Variants in GAREM1 observed in about 807,000 individuals in gnomAD.
GAREM1 encodes the protein GRB2 associated regulator of MAPK1 subtype 1, also known as GRB2-associated and regulator of MAPK protein 1.
GAREM1 carries 26 observed loss-of-function variants against 71.3 expected under a neutral mutation model. The observed-to-expected ratio is 0.36, with a 90% CI of 0.27 to 0.51. The LOEUF (loss-of-function observed/expected upper bound fraction) is 0.51, where lower values mean the gene tolerates loss of function less well. Ranked by LOEUF, GAREM1 falls within the 20% of genes least tolerant of loss-of-function variation. The pLI is 0.95. For synonymous variants in GAREM1, 440 were observed against 433.2 expected (o/e 1.02, Z -0.20); for missense variants, 1,026 against 1,103.1 (o/e 0.93, Z 0.99).
intron 2 of GAREM1, among the ~76,000 whole-genome samples, chr18:32,311,301 T>C (rs2047319945): frequency 6.6e-6 from 1 of 152,166 alleles, no homozygotes; most frequent in African/African-American, 2.4e-5. Context: ...AAAGCTATCA[T>C]GGGAAAATCT....
intron 1 of GAREM1, among the ~76,000 whole-genome samples, chr18:32,434,998 G>A (rs900539174): frequency 2.0e-5 from 3 of 152,064 alleles, no homozygotes; most frequent in African/African-American, 4.8e-5. Flanking sequence ...ACAATGCACC[G>A]GGAAGAGCGC....
intron 2 of GAREM1, among the ~76,000 whole-genome samples, chr18:32,334,703 T>C (rs1250025814): frequency 6.6e-6 from 1 of 152,210 alleles, no homozygotes; most frequent in African/African-American, 2.4e-5. Context: ...ATGTTAACTT[T>C]GACAAAAATT....
intron 1 of GAREM1, among the ~76,000 whole-genome samples, chr18:32,450,198 G>C (rs1027713561): frequency 2.6e-5 from 4 of 152,134 alleles, no homozygotes; most frequent in Non-Finnish European, 5.9e-5. Flanking sequence ...ACTTATAACT[G>C]ATCTTCTGTT....
chr18:32,322,564 G>A (rs1045524478), intron 2 of GAREM1, among the ~76,000 whole-genome samples: 4 of 152,182 alleles, frequency 2.6e-5, no homozygotes, highest in Middle Eastern at 3.2e-3. Context: ...ATCAAAGCAT[G>A]TATAGTATTT....
intron 2 of GAREM1, among the ~76,000 whole-genome samples, chr18:32,383,108 T>C (rs1379609226): frequency 6.6e-6 from 1 of 152,200 alleles, no homozygotes; most frequent in Non-Finnish European, 1.5e-5. Flanking sequence ...ACTCACGCAT[T>C]GGCTTGACTC....
intron 2 of GAREM1, among the ~76,000 whole-genome samples, chr18:32,346,178 T>C (rs2047694792): frequency 6.6e-6 from 1 of 152,192 alleles, no homozygotes; most frequent in African/African-American, 2.4e-5. Context: ...TCTCTTCACA[T>C]GTCTGGTTAT....
At chr18:32,430,008 T>C (rs2048608865) in intron 1 of GAREM1, among the ~76,000 whole-genome samples, 1 of 152,206 alleles carries the variant, frequency 6.6e-6, no homozygotes, top group Non-Finnish European at 1.5e-5. Context: ...GGACATGATA[T>C]AACAATTTGG....
intron 1 of GAREM1, among the ~76,000 whole-genome samples, chr18:32,464,004 A>G (rs2048976247): frequency 6.7e-6 from 1 of 149,862 alleles, no homozygotes; most frequent in Admixed American, 6.6e-5. Context: ...AAAAAAAAAA[A>G]AGGCTGGGCG....
At chr18:32,440,968 T>A (rs1460287830) in intron 1 of GAREM1, among the ~76,000 whole-genome samples, 1 of 152,248 alleles carries the variant, frequency 6.6e-6, no homozygotes, top group African/African-American at 2.4e-5. Flanking sequence ...TATAAAATTT[T>A]AAGTGATTAA....
chr18:32,440,972 T>G (rs917781215), intron 1 of GAREM1, among the ~76,000 whole-genome samples: 4 of 152,204 alleles, frequency 2.6e-5, no homozygotes, highest in African/African-American at 9.6e-5. Context: ...AAATTTTAAG[T>G]GATTAAGAAG....
Position 32,331,197 on chromosome 18 carries a change from G to A in GAREM1, c.263-20874C>T, listed in dbSNP as rs186050090. On this transcript the variant is annotated intron_variant, in intron 2 of 5. Transcript: ENST00000269209. ...ATTTCTCCCTCATACTTAAAAACCC[G>A]ACAAAAAATGGGTTTGGAGTTATAC... Among the ~76,000 whole-genome samples, 160 of 151,996 alleles carry A rather than the reference G, an allele frequency of 1.1e-3. 1 individual carries two copies. The highest frequency in any genetic ancestry group is 3.2e-3 in the African/African-American group (133 of 41,448).
chr18:32,358,791 T>A (rs1252761290), intron 2 of GAREM1, among the ~76,000 whole-genome samples: 1 of 152,156 alleles, frequency 6.6e-6, no homozygotes, highest in Non-Finnish European at 1.5e-5. Flanking sequence ...AAGGAAGTAG[T>A]AGCAACCTCA....
At chr18:32,312,680 G>C (rs1466642683) in intron 2 of GAREM1, among the ~76,000 whole-genome samples, 1 of 152,204 alleles carries the variant, frequency 6.6e-6, no homozygotes, top group African/African-American at 2.4e-5. Flanking sequence ...ATTTTCCTTA[G>C]TATGATGGGA....
rs143598457 is a variant in GAREM1 at position 32,393,015 on chromosome 18, G to C, written c.142C>G (p.Arg48Gly). 1.9e-6 allele frequency: 3 copies of C among 1,613,466 alleles called. No individual in the cohort carries two copies. The highest frequency in any genetic ancestry group is 1.1e-5 in the South Asian group (1 of 91,042). ...LDNGECVEGL[R>G]ENDYLLIHSC... ...TGAATCAGCAGATAGTCATTTTCCC[G>C]CAGCCCTTCTACGCACTCTCCTAGG... Residue 48 changes from arginine to glycine, a missense_variant, in exon 2 of 6, where the codon CGG becomes GGG. Physicochemically the swap from Arg to Gly is moderately radical, Grantham distance 125. Transcript: ENST00000269209.
chr18:32,430,419 C>T (rs1372598390), intron 1 of GAREM1, among the ~76,000 whole-genome samples: 4 of 152,150 alleles, frequency 2.6e-5, no homozygotes, highest in African/African-American at 9.7e-5. Flanking sequence ...TTGTTTCTCG[C>T]AAGAGTACGG....
intron 2 of GAREM1, among the ~76,000 whole-genome samples, chr18:32,376,322 C>T (rs1432134726): frequency 2.0e-5 from 3 of 152,188 alleles, no homozygotes; most frequent in African/African-American, 4.8e-5. Flanking sequence ...CTGCTCTGTA[C>T]TACTTTGTAA....
chr18:32,461,880 T>C (rs1231511702), intron 1 of GAREM1, among the ~76,000 whole-genome samples: 1 of 152,088 alleles, frequency 6.6e-6, no homozygotes, highest in East Asian at 1.9e-4. Flanking sequence ...GCTCAGTAAG[T>C]GAAAAGACAG....
intron 2 of GAREM1, among the ~76,000 whole-genome samples, chr18:32,313,961 A>C (rs1264999127): frequency 6.6e-6 from 1 of 152,206 alleles, no homozygotes; most frequent in Non-Finnish European, 1.5e-5. Flanking sequence ...GGTGATAAGG[A>C]CAATACAGAG....
chr18:32,291,958 G>A (rs2047092560), intron 3 of GAREM1, among the ~76,000 whole-genome samples: 1 of 152,138 alleles, frequency 6.6e-6, no homozygotes, highest in Non-Finnish European at 1.5e-5. Flanking sequence ...ATATACATGT[G>A]CATCTGTCTT....
Sources: allele counts gnomAD v4.1 joint callset (sites outside exome capture counted in the v4.1 genomes callset), GRCh38; gene constraint gnomAD v4.1.1; transcripts MANE v1.5; gene names NCBI Gene and HGNC (gene_info 2026-07-23, HGNC 2026-07-21).